The following KIF6 variants were observed in gnomAD, a reference collection of about 807,000 sequenced individuals.
KIF6 encodes the protein kinesin-like protein KIF6.
A neutral mutation model predicts 112.7 loss-of-function variants in KIF6; 106 were observed. The ratio of observed to expected loss-of-function variants is 0.94; its 90% confidence interval spans 0.80 to 1.11. KIF6 has a LOEUF of 1.11. KIF6 is among the 50% of genes least tolerant of loss of function. The probability of loss-of-function intolerance (pLI) is 0.00; values close to 1 mark genes in which losing one functional copy is unlikely to be tolerated. For synonymous variants in KIF6, 339 were observed against 339.9 expected, an observed-to-expected ratio of 1.00 and a Z score of 0.03; for missense variants, 929 against 964.0, an observed-to-expected ratio of 0.96 and a Z score of 0.48.
At chr6:39,695,565 T>C (rs149486651) in intron 3 of KIF6, among the ~76,000 whole-genome samples, 30 of 152,256 alleles carry the variant, frequency 2.0e-4, no homozygotes, top group Non-Finnish European at 2.9e-4. Context: ...ACATTACTAA[T>C]CATCAGAGTG....
At chr6:39,536,872 C>T (rs1326409427) in intron 13 of KIF6, among the ~76,000 whole-genome samples, 35 of 152,324 alleles carry the variant, frequency 2.3e-4, no homozygotes, top group Middle Eastern at 3.4e-3. Context: ...CCACCATGAT[C>T]GAGTGGGCTT....
chr6:39,622,720 A>G (rs964112833), intron 5 of KIF6, among the ~76,000 whole-genome samples: 4 of 152,224 alleles, frequency 2.6e-5, no homozygotes, highest in Non-Finnish European at 5.9e-5. Context: ...AGTGACAAAT[A>G]AGTGAAAGTC....
At chr6:39,556,586 G>C (rs1779722240) in intron 10 of KIF6, among the ~76,000 whole-genome samples, 1 of 152,140 alleles carries the variant, frequency 6.6e-6, no homozygotes, top group Non-Finnish European at 1.5e-5. Flanking sequence ...CCTCTGACCA[G>C]AACAGGGGCC....
At position 39,703,654 on chromosome 6, in the gene KIF6, T is replaced by C. The variant is rs1192633504; in HGVS notation, c.251+11038A>G. ...TAAGGCTCAAATTCACTGACAATGA[T>C]AGAAACTCTGCTAAAAGTGCTCTGC... On this transcript the variant is annotated intron_variant, in intron 3 of 22. Coordinates refer to ENST00000287152, the MANE Select transcript of KIF6 (RefSeq NM_145027.6). Among the ~76,000 whole-genome samples, 6 of 152,294 alleles carry C rather than the reference T, an allele frequency of 3.9e-5. No individual in the cohort carries two copies. The East Asian group carries it at 1.2e-3, about 29-fold the overall frequency.
In KIF6 at chr6:39,334,483, G is replaced by A. The variant is rs970227503; in HGVS notation, c.*2049C>T. ...TAGTTCCAGCTACTTTGGAGGCTGA[G>A]GTGAGAGGATCGCTTGAGCCCAGGA... On this transcript the variant is annotated 3_prime_UTR_variant, in exon 23 of 23. Transcript: ENST00000287152. 6.5e-6 allele frequency: 1 copy of A among 152,710 alleles called. No individual in the cohort carries two copies. Among genetic ancestry groups the A allele is most frequent in the African/African-American group, 2.4e-5 (1 of 41,558 alleles). 9.5% of individuals were successfully genotyped at this position (152,710 alleles called of 1,614,324 possible).
At chr6:39,520,358 G>A (rs1251087796) in intron 13 of KIF6, among the ~76,000 whole-genome samples, 3 of 152,072 alleles carry the variant, frequency 2.0e-5, no homozygotes, top group African/African-American at 4.8e-5. Flanking sequence ...CTCTATTTTC[G>A]TTTAATAAAG....
At chr6:39,586,184 C>T (rs1582202841) in intron 8 of KIF6, 77 bp downstream of exon 8, 30 of 1,508,690 alleles carry the variant, frequency 2.0e-5, no homozygotes, top group Non-Finnish European at 2.6e-5. Flanking sequence ...AGAAACCCAC[C>T]CAAGAGCCTC....
intron 13 of KIF6, among the ~76,000 whole-genome samples, chr6:39,484,564 G>C (rs771395826): frequency 3.9e-5 from 6 of 152,182 alleles, no homozygotes; most frequent in Non-Finnish European, 7.3e-5. Context: ...AGCTGGAAAT[G>C]TAGACAGGCC....
At chr6:39,412,697 C>A (rs936166932) in intron 15 of KIF6, among the ~76,000 whole-genome samples, 1 of 152,114 alleles carries the variant, frequency 6.6e-6, no homozygotes, top group South Asian at 2.1e-4. Flanking sequence ...ATTTTCTCCT[C>A]GTATGTTAAA....
At chr6:39,582,387 C>A (rs993090389) in intron 9 of KIF6, among the ~76,000 whole-genome samples, 1 of 151,988 alleles carries the variant, frequency 6.6e-6, no homozygotes, top group Non-Finnish European at 1.5e-5. Context: ...GGTACCAATA[C>A]TTTTTTTGTT....
At chr6:39,529,720 G>C (rs1777934420) in intron 13 of KIF6, among the ~76,000 whole-genome samples, 1 of 152,148 alleles carries the variant, frequency 6.6e-6, no homozygotes, top group African/African-American at 2.4e-5. Context: ...CCAGGAGGCG[G>C]AGCTTGCAGT....
intron 13 of KIF6, among the ~76,000 whole-genome samples, chr6:39,469,874 C>T (rs772643823): frequency 5.9e-5 from 9 of 152,072 alleles, no homozygotes; most frequent in Admixed American, 1.3e-4. Flanking sequence ...TTTCAATACT[C>T]CACATTCAAC....
chr6:39,528,995 G>C (rs1777895632), intron 13 of KIF6, among the ~76,000 whole-genome samples: 2 of 152,166 alleles, frequency 1.3e-5, no homozygotes, highest in Admixed American at 1.3e-4. Flanking sequence ...AGAATAGAGA[G>C]CTCAGAAATG....
chr6:39,714,007 C>G (rs1025241508), intron 3 of KIF6, among the ~76,000 whole-genome samples: 1 of 152,150 alleles, frequency 6.6e-6, no homozygotes, highest in African/African-American at 2.4e-5. Context: ...TTAGCATCAT[C>G]CAGATGATTT....
intron 13 of KIF6, among the ~76,000 whole-genome samples, chr6:39,476,214 TAA>T (rs11418415): frequency 7.2e-6 from 1 of 138,372 alleles, no homozygotes. Flanking sequence ...TAAATTAAAT[TAA>T]AAAAAAAAAA....
At chr6:39,540,689 C>T (rs565611719) in intron 12 of KIF6, among the ~76,000 whole-genome samples, 78 of 152,350 alleles carry the variant, frequency 5.1e-4, no homozygotes, top group African/African-American at 1.7e-3. Context: ...GCAGATCAGC[C>T]GTCTTCATCC....
intron 3 of KIF6, among the ~76,000 whole-genome samples, chr6:39,676,944 AATC>A (rs1401908090): frequency 6.6e-6 from 1 of 152,098 alleles, no homozygotes; most frequent in African/African-American, 2.4e-5. Context: ...TAAAAGTAAA[AATC>A]ATCCATGTCA....
chr6:39,357,444 A>C, intron 18 of KIF6, 70 bp from the exon 19 acceptor site: 1 of 882,510 alleles, frequency 1.1e-6, no homozygotes, highest in Non-Finnish European at 1.8e-6. Context: ...TTTTTGATGT[A>C]ATTCTTTTTT....
In KIF6 at chr6:39,378,618, C is replaced by T. The variant is rs1052645257; in HGVS notation, c.1861+7004G>A. Among the ~76,000 whole-genome samples, 1 of 152,220 alleles carries T rather than the reference C, an allele frequency of 6.6e-6. No individual in the cohort carries two copies. Among genetic ancestry groups the T allele is most frequent in the African/African-American group, 2.4e-5 (1 of 41,448 alleles). On this transcript the variant is annotated intron_variant, in intron 16 of 22. Coordinates refer to ENST00000287152, the MANE Select transcript of KIF6 (RefSeq NM_145027.6). The surrounding 1 kb of genome is among the most constrained non-coding windows in gnomAD (Gnocchi z 5.0). The stretch of plus-strand genomic sequence containing the variant: ...GGCCTGTGGTCTTGGTGACAACCCC[C>T]CAGGGCCACTCCTTCTGGTAAGAAC...
Sources: allele counts gnomAD v4.1 joint callset (sites outside exome capture counted in the v4.1 genomes callset), GRCh38; gene constraint gnomAD v4.1.1; non-coding constraint Gnocchi (gnomAD v3.1); transcripts MANE v1.5; gene names NCBI Gene and HGNC (gene_info 2026-07-23, HGNC 2026-07-21).